The following TSPAN14 variants were observed in gnomAD, a reference collection of about 807,000 sequenced individuals.
TSPAN14 encodes tetraspanin 14, also known as tetraspanin-14.
In TSPAN14, 16 loss-of-function variants were observed where a neutral mutation model predicts 36.6. The ratio of observed to expected loss-of-function variants is 0.44; its 90% CI spans 0.30 to 0.66. The LOEUF is 0.66. Among genes scored for constraint, TSPAN14 ranks in the 30% least tolerant of loss-of-function variants. The pLI is 0.12. For missense variants in TSPAN14, 231 were observed against 355.1 expected, an observed-to-expected ratio of 0.65 and a Z score of 2.81; for synonymous variants, 139 against 143.8, an observed-to-expected ratio of 0.97 and a Z score of 0.24.
chr10:80,465,849 G>C (rs1846213581), intron 1 of TSPAN14, among the ~76,000 whole-genome samples: 1 of 152,202 alleles, frequency 6.6e-6, no homozygotes, highest in African/African-American at 2.4e-5. Flanking sequence ...GAGGGGAACT[G>C]TACCCTGCTT....
Position 80,504,711 on chromosome 10 carries a change from T to C in TSPAN14, c.82-17T>C, listed in dbSNP as rs1457549818. Reference sequence around the variant, plus strand: ...TTCCAACCTAACTTCCTTCTCTCTTTCCTCTGCCCCGCTTAGTTGGCTGGA... The same window carrying C: ...TTCCAACCTAACTTCCTTCTCTCTTCCCTCTGCCCCGCTTAGTTGGCTGGA... On this transcript the variant is annotated splice_polypyrimidine_tract_variant and intron_variant, in intron 2 of 8. Coordinates refer to ENST00000429989, the Ensembl canonical transcript of TSPAN14. The C allele has an allele frequency of 2.5e-6, 4 of 1,613,946 alleles. No individual in the cohort carries two copies. The highest frequency in any genetic ancestry group is 1.3e-5 in the African/African-American group (1 of 74,922).
At chr10:80,495,351 GTGTGTGTGTGTGTGTGTGTGTGTGTGTA>G (rs1341591099) in intron 2 of TSPAN14, among the ~76,000 whole-genome samples, 6 of 81,156 alleles carry the variant, frequency 7.4e-5, no homozygotes, top group South Asian at 4.7e-4. Context: ...GTGTGTGTGT[GTGTGTGTGTGTGTGTGTGTGTGTGTGTA>G]TGTACATGTG....
At chr10:80,507,190 C>T in intron 3 of TSPAN14, 38 bp from the exon 4 acceptor site, 1 of 1,613,698 alleles carries the variant, frequency 6.2e-7, no homozygotes, top group Non-Finnish European at 8.5e-7. Flanking sequence ...GACTCCCCTT[C>T]TGGGCCAGTG....
intron 2 of TSPAN14, among the ~76,000 whole-genome samples, chr10:80,503,940 C>G (rs1335436358): frequency 2.0e-5 from 3 of 152,172 alleles, no homozygotes; most frequent in African/African-American, 4.8e-5. Context: ...TATGGAAAAG[C>G]CCTCCCTGGT....
exon 9 of TSPAN14, chr10:80,520,581 C>A: frequency 1.9e-6 from 1 of 531,052 alleles, no homozygotes. Flanking sequence ...GTACCCCCTC[C>A]TCAACCCTGG....
chr10:80,476,279 A>T (rs1274726770), intron 1 of TSPAN14, among the ~76,000 whole-genome samples: 5 of 152,296 alleles, frequency 3.3e-5, no homozygotes, highest in African/African-American at 1.2e-4. Flanking sequence ...AGGCTGAGGC[A>T]GGATTGCTTG....
At position 80,517,886 on chromosome 10, in the gene TSPAN14, C is replaced by T. The variant is rs1322150948; in HGVS notation, c.742-19C>T. 5 of 1,557,274 alleles carry T rather than the reference C, an allele frequency of 3.2e-6. No homozygotes were observed. In the Admixed American group the frequency reaches 5.8e-5, roughly 18 times the overall value. ...TGGGCCCCAGCAATGGCCGCTGACT[C>T]TGCTGGTGTTGGTTTCAGATATTTG... On this transcript the variant is annotated intron_variant, in intron 8 of 8. Coordinates refer to ENST00000429989, the Ensembl canonical transcript of TSPAN14.
chr10:80,495,164 G>A (rs905823532), intron 2 of TSPAN14, among the ~76,000 whole-genome samples: 3 of 151,964 alleles, frequency 2.0e-5, no homozygotes, highest in Non-Finnish European at 4.4e-5. Context: ...TATGTAATAC[G>A]CATTCTTCCC....
chr10:80,455,197 G>T (rs1845680019), intron 1 of TSPAN14, among the ~76,000 whole-genome samples: 3 of 152,138 alleles, frequency 2.0e-5, no homozygotes. Context: ...GGGACCGCAG[G>T]AGCACTTGTC....
intron 1 of TSPAN14, among the ~76,000 whole-genome samples, chr10:80,457,721 G>T (rs1452355318): frequency 6.6e-6 from 1 of 152,242 alleles, no homozygotes; most frequent in Non-Finnish European, 1.5e-5. Flanking sequence ...TAAGGCCAGG[G>T]AATGGGAAGA....
At chr10:80,511,699 A>T (rs1185041478) in intron 5 of TSPAN14, among the ~76,000 whole-genome samples, 1 of 111,968 alleles carries the variant, frequency 8.9e-6, no homozygotes, top group Admixed American at 1.1e-4. Context: ...TTAACACATC[A>T]AAAGGGCAGG....
At chr10:80,512,149 G>C in exon 6 of TSPAN14, 1 of 1,614,194 alleles carries the variant, frequency 6.2e-7, no homozygotes, top group Non-Finnish European at 8.5e-7. Context: ...TGCAGAACCA[G>C]TGCTGTGGCG....
chr10:80,516,175 G>T (rs1408513483), intron 7 of TSPAN14, 29 bp from the exon 8 acceptor site: 1 of 1,614,126 alleles, frequency 6.2e-7, no homozygotes, highest in Non-Finnish European at 8.5e-7. Context: ...TGTGCCAAAG[G>T]CTCAGACCCC....
intron 3 of TSPAN14, among the ~76,000 whole-genome samples, chr10:80,505,233 C>A (rs1170704399): frequency 6.6e-6 from 1 of 152,182 alleles, no homozygotes; most frequent in Non-Finnish European, 1.5e-5. Context: ...CCTTTAAGCA[C>A]CTCTGGGCCT....
intron 1 of TSPAN14, among the ~76,000 whole-genome samples, chr10:80,468,944 G>C (rs959157797): frequency 2.6e-5 from 4 of 152,094 alleles, no homozygotes; most frequent in African/African-American, 9.7e-5. Context: ...CCTGTTTCAT[G>C]GTTTTGCAGT....
At chr10:80,518,091 C>A in exon 9 of TSPAN14, 1 of 1,098,792 alleles carries the variant, frequency 9.1e-7, no homozygotes, top group Non-Finnish European at 1.3e-6. Flanking sequence ...AGTGCCCCAT[C>A]TTAAGCATCA....
At chr10:80,482,106 G>C (rs1847311593) in intron 1 of TSPAN14, among the ~76,000 whole-genome samples, 1 of 152,184 alleles carries the variant, frequency 6.6e-6, no homozygotes, top group Non-Finnish European at 1.5e-5. Context: ...GAGTCAGCTA[G>C]AAGTTGGAAG....
chr10:80,474,423 A>G (rs1279036116), intron 1 of TSPAN14, among the ~76,000 whole-genome samples: 1 of 150,276 alleles, frequency 6.7e-6, no homozygotes, highest in African/African-American at 2.5e-5. Flanking sequence ...CTTCCCTGAG[A>G]GGTCATGAGG....
At chr10:80,465,757 G>A (rs1444750678) in intron 1 of TSPAN14, among the ~76,000 whole-genome samples, 1 of 152,150 alleles carries the variant, frequency 6.6e-6, no homozygotes, top group Non-Finnish European at 1.5e-5. Flanking sequence ...TAATCTCCTG[G>A]TCTTTGTTGA....
Sources: allele counts gnomAD v4.1 joint callset (sites outside exome capture counted in the v4.1 genomes callset), GRCh38; gene constraint gnomAD v4.1.1; transcripts MANE v1.5; gene names NCBI Gene and HGNC (gene_info 2026-07-23, HGNC 2026-07-21).